The following CNTNAP3 variants were observed in gnomAD, a reference collection of about 807,000 sequenced individuals.
CNTNAP3 encodes contactin associated protein family member 3.
CNTNAP3 carries 36 observed loss-of-function variants against 92.1 expected under a neutral mutation model. The ratio of observed to expected loss-of-function variants is 0.39; its 90% CI spans 0.30 to 0.52. The LOEUF is 0.52. CNTNAP3 is among the 20% of genes least tolerant of loss of function. The pLI is 0.76. For missense variants in CNTNAP3, 534 were observed against 1,069.6 expected (o/e 0.50, Z 6.98); for synonymous variants, 232 against 422.3 (o/e 0.55, Z 5.53).
chr9:39,126,992 C>T (rs1404382111), intron 13 of CNTNAP3, among the ~76,000 whole-genome samples: 6 of 151,800 alleles, frequency 4.0e-5, no homozygotes, highest in Non-Finnish European at 8.8e-5. Context: ...ATTTACAAGA[C>T]AGACCATATC....
At chr9:39,125,990 T>C (rs953761940) in intron 13 of CNTNAP3, among the ~76,000 whole-genome samples, 2 of 152,170 alleles carry the variant, frequency 1.3e-5, no homozygotes, top group Non-Finnish European at 2.9e-5. Flanking sequence ...TGGATCTAAC[T>C]GAATACTTTA....
At position 39,069,635 on chromosome 9, in the gene CNTNAP3, T is replaced by C. The variant is rs1386036309; in HGVS notation, c.*4255A>G. Among the ~76,000 whole-genome samples, 16 of 152,236 alleles carry C rather than the reference T, an allele frequency of 1.1e-4. No homozygotes were observed. The highest frequency in any genetic ancestry group is 3.9e-4 in the African/African-American group (16 of 41,424). ...AATACCACAGGAAGTAGTGCTTCAG[T>C]ACATTTTCCCGACGATATGATTAAT... On this transcript the variant is annotated 3_prime_UTR_variant, in exon 24 of 24. Transcript: ENST00000297668.
At chr9:39,117,947 A>G (rs1820899008) in intron 14 of CNTNAP3, 156 bp downstream of exon 14, 2 of 1,354,656 alleles carry the variant, frequency 1.5e-6, no homozygotes, top group African/African-American at 3.0e-5. Flanking sequence ...TTTAATCCTT[A>G]GATTAACTGA....
In CNTNAP3 at chr9:39,253,244, G is replaced by T. The variant is rs1369228078; in HGVS notation, c.196+13652C>A. Among the ~76,000 whole-genome samples the T allele has an allele frequency of 1.2e-4, 2 of 16,698 alleles. 1 individual carries two copies. Among genetic ancestry groups the T allele is most frequent in the Non-Finnish European group, 3.2e-4 (2 of 6,344 alleles). 11.0% of individuals were successfully genotyped at this position (16,698 alleles called of 152,430 possible). A position where few individuals can be genotyped will look rare whatever the true frequency, so the allele number is the denominator to read the frequency against. On this transcript the variant is annotated intron_variant, in intron 2 of 23. Coordinates refer to ENST00000297668, the MANE Select transcript of CNTNAP3 (RefSeq NM_033655.5). ...ACACAGATATATACATATGTGTTGT[G>T]TATTTATGTACATTTATTGAACACA...
intron 13 of CNTNAP3, among the ~76,000 whole-genome samples, chr9:39,124,186 C>A (rs1821102115): frequency 6.6e-6 from 1 of 151,924 alleles, no homozygotes; most frequent in Non-Finnish European, 1.5e-5. Flanking sequence ...AAAGTACCAG[C>A]ACCATTAATG....
chr9:39,126,883 A>T (rs968840611), intron 13 of CNTNAP3, among the ~76,000 whole-genome samples: 17 of 152,130 alleles, frequency 1.1e-4, no homozygotes, highest in Admixed American at 1.3e-4. Flanking sequence ...ACAAGATCTG[A>T]ACAACATAAT....
At chr9:39,091,966 T>C (rs564484411) in intron 18 of CNTNAP3, among the ~76,000 whole-genome samples, 3 of 151,790 alleles carry the variant, frequency 2.0e-5, no homozygotes, top group Admixed American at 1.3e-4. Flanking sequence ...TAGTAGTTTG[T>C]GTTAATTTTG....
intron 15 of CNTNAP3, among the ~76,000 whole-genome samples, chr9:39,104,964 C>T (rs1333701060): frequency 6.6e-6 from 1 of 152,112 alleles, no homozygotes; most frequent in African/African-American, 2.4e-5. Flanking sequence ...ATTTTTGACA[C>T]TTTAAGGTTA....
At chr9:39,095,597 C>G (rs1826307406) in intron 18 of CNTNAP3, among the ~76,000 whole-genome samples, 1 of 143,528 alleles carries the variant, frequency 7.0e-6, no homozygotes, top group Admixed American at 6.8e-5. Flanking sequence ...TTTTTTTTCC[C>G]CTCTCATTCT....
chr9:39,122,936 G>A (rs1157746292), intron 13 of CNTNAP3, among the ~76,000 whole-genome samples: 1 of 152,092 alleles, frequency 6.6e-6, no homozygotes, highest in African/African-American at 2.4e-5. Flanking sequence ...AAAAATTGTA[G>A]AGTGTCTTTG....
At chr9:39,137,278 T>G (rs1821462096) in intron 12 of CNTNAP3, among the ~76,000 whole-genome samples, 1 of 151,862 alleles carries the variant, frequency 6.6e-6, no homozygotes, top group South Asian at 2.1e-4. Context: ...AAGCTGTGCC[T>G]GGTCTACTAA....
chr9:39,132,542 T>G (rs1821317841), intron 13 of CNTNAP3, among the ~76,000 whole-genome samples: 1 of 152,104 alleles, frequency 6.6e-6, no homozygotes, highest in Admixed American at 6.5e-5. Flanking sequence ...CAGGTAGATT[T>G]AGAGGAAGAC....
In CNTNAP3 at chr9:39,099,537, GGCTTGAATAGCAATACGTT is replaced by G. The variant is rs560986155; in HGVS notation, c.2995+355_2995+373del. Among the ~76,000 whole-genome samples, 33 of 152,178 alleles carry G rather than the reference GGCTTGAATAGCAATACGTT, an allele frequency of 2.2e-4. 1 individual carries two copies. The South Asian group carries it at 6.2e-3, about 29-fold the overall frequency. The stretch of plus-strand genomic sequence containing the variant: ...TCAAGTCCAGCCTGGGCAACAGAGA[GGCTTGAATAGCAATACGTT>G]GTCTCTAAAAATTAAAAACAAAAAT... On this transcript the variant is annotated intron_variant, in intron 18 of 23. Transcript: ENST00000297668.
At chr9:39,136,962 T>A (rs1432905931) in intron 12 of CNTNAP3, among the ~76,000 whole-genome samples, 1 of 151,886 alleles carries the variant, frequency 6.6e-6, no homozygotes, top group African/African-American at 2.4e-5. Flanking sequence ...CCTGGTAGAG[T>A]TTTGGGGGCA....
intron 4 of CNTNAP3, among the ~76,000 whole-genome samples, chr9:39,179,286 T>TCTACACACACAC (rs1491209886): frequency 5.0e-5 from 4 of 80,756 alleles, no homozygotes; most frequent in African/African-American, 2.3e-4. Context: ...TCTCTCTCTC[T>TCTACACACACAC]ACACACACAC....
intron 13 of CNTNAP3, among the ~76,000 whole-genome samples, chr9:39,120,730 G>T (rs1019338833): frequency 3.3e-5 from 5 of 152,022 alleles, no homozygotes; most frequent in African/African-American, 1.2e-4. Flanking sequence ...ATAATTTGTC[G>T]CTAGCAGACA....
At chr9:39,124,516 C>T (rs1463635595) in intron 13 of CNTNAP3, among the ~76,000 whole-genome samples, 1 of 152,094 alleles carries the variant, frequency 6.6e-6, no homozygotes, top group African/African-American at 2.4e-5. Flanking sequence ...CAAATGGGAT[C>T]TAATTAAACT....
chr9:39,090,463 CA>C (rs1415168833), intron 18 of CNTNAP3, among the ~76,000 whole-genome samples: 1 of 152,230 alleles, frequency 6.6e-6, no homozygotes, highest in Non-Finnish European at 1.5e-5. Context: ...CATGTATACT[CA>C]GTAGTCTCAG....
intron 12 of CNTNAP3, chr9:39,139,683 G>T (rs977941856): frequency 1.1e-4 from 17 of 151,746 alleles, no homozygotes; most frequent in Non-Finnish European, 8.8e-5. Flanking sequence ...CTGTAAAAAT[G>T]TAACTATTTA....
Sources: gnomAD v4.1 joint callset for allele counts (sites outside exome capture counted in the v4.1 genomes callset) on GRCh38, gnomAD v4.1.1 for gene constraint, MANE v1.5 for transcripts, NCBI Gene and HGNC (gene_info 2026-07-23, HGNC 2026-07-21) for gene names.